RIMS2: variants seen among roughly 807,000 people sequenced by gnomAD.
The protein encoded by RIMS2 is regulating synaptic membrane exocytosis 2, also known as regulating synaptic membrane exocytosis protein 2.
A neutral mutation model predicts 174.4 loss-of-function variants in RIMS2; 59 were observed. That is an observed-to-expected ratio of 0.34 (90% CI 0.27 to 0.42). The LOEUF (loss-of-function observed/expected upper bound fraction) is 0.42. Among genes scored for constraint, RIMS2 ranks in the 10% least tolerant of loss-of-function variants. The pLI, the probability that RIMS2 is intolerant of heterozygous loss-of-function variation, is 1.00. For missense variants in RIMS2, 1,620 were observed against 1,666.3 expected (o/e 0.97, Z 0.48); for synonymous variants, 606 against 572.5 (o/e 1.06, Z -0.84).
chr8:103,978,928 A>G (rs192001819), intron 16 of RIMS2, among the ~76,000 whole-genome samples: 31 of 152,242 alleles, frequency 2.0e-4, no homozygotes, highest in African/African-American at 7.0e-4. Flanking sequence ...CAAAGAATAC[A>G]AATTATTTTT....
intron 1 of RIMS2, among the ~76,000 whole-genome samples, chr8:103,578,968 C>A (rs1329758170): frequency 6.9e-6 from 1 of 145,444 alleles, no homozygotes; most frequent in Non-Finnish European, 1.5e-5. Context: ...GCAGCCTGGA[C>A]AACAGAGCAA....
chr8:104,245,113 A>G (rs1297855774), intron 20 of RIMS2, 56 bp downstream of exon 26: 12 of 1,544,798 alleles, frequency 7.8e-6, no homozygotes, highest in Middle Eastern at 2.0e-4. Flanking sequence ...ATCTCACTCT[A>G]TGTGCTTTCA....
At chr8:103,883,972 T>G (rs1036977122) in intron 3 of RIMS2, among the ~76,000 whole-genome samples, 16 of 151,810 alleles carry the variant, frequency 1.1e-4, no homozygotes, top group African/African-American at 3.4e-4. Context: ...GCATTAACTT[T>G]CTTGGCCTTT....
chr8:103,811,609 T>C (rs1438422481), intron 3 of RIMS2, among the ~76,000 whole-genome samples: 2 of 152,084 alleles, frequency 1.3e-5, no homozygotes, highest in Non-Finnish European at 2.9e-5. Flanking sequence ...TACATCTGGC[T>C]AATTTTTTGC....
chr8:104,049,834 A>T (rs1022303877), intron 19 of RIMS2, among the ~76,000 whole-genome samples: 3 of 152,208 alleles, frequency 2.0e-5, no homozygotes, highest in Non-Finnish European at 4.4e-5. Context: ...AATTAGATAA[A>T]TTTTTCATTA....
intron 1 of RIMS2, among the ~76,000 whole-genome samples, chr8:103,545,324 A>C (rs1844485954): frequency 6.6e-6 from 1 of 152,132 alleles, no homozygotes; most frequent in Non-Finnish European, 1.5e-5. Flanking sequence ...GAAATTAAAA[A>C]CAAAAAAAAA....
Position 103,630,593 on chromosome 8 carries a change from A to G in RIMS2, c.177-66493A>G, listed in dbSNP as rs2095891033. Among the ~76,000 whole-genome samples the G allele has an allele frequency of 2.0e-5, 3 of 151,280 alleles. No homozygotes were observed. The South Asian group carries it at 6.3e-4, about 32-fold the overall frequency. On this transcript the variant is annotated intron_variant, in intron 1 of 23. Transcript: ENST00000504942. Reference sequence around the variant, plus strand: ...AAAACTCCATCTCAAAAAAAAAAAAAAAAAAAAAGAAACAAAGATGTCTAC... The same window carrying G: ...AAAACTCCATCTCAAAAAAAAAAAAGAAAAAAAAGAAACAAAGATGTCTAC...
At chr8:103,730,533 A>G (rs1427068978) in intron 2 of RIMS2, among the ~76,000 whole-genome samples, 1 of 152,130 alleles carries the variant, frequency 6.6e-6, no homozygotes, top group Non-Finnish European at 1.5e-5. Context: ...ATCTTATTAT[A>G]CTGTCTTTGT....
chr8:103,877,340 A>G (rs558133543), intron 3 of RIMS2, among the ~76,000 whole-genome samples: 4 of 151,970 alleles, frequency 2.6e-5, no homozygotes, highest in South Asian at 2.1e-4. Flanking sequence ...GGCCATTTGT[A>G]TATCTTCTTT....
At chr8:103,872,444 T>G (rs1375828592) in intron 3 of RIMS2, among the ~76,000 whole-genome samples, 1 of 152,238 alleles carries the variant, frequency 6.6e-6, no homozygotes, top group Admixed American at 6.5e-5. Context: ...TAGTTGACAT[T>G]ATGTTTAACT....
chr8:103,689,959 C>CTTT lies in RIMS2; in HGVS notation c.177-7114_177-7112dup, dbSNP rs35912055. Among the ~76,000 whole-genome samples, 28 of 137,572 alleles carry CTTT rather than the reference C, an allele frequency of 2.0e-4. 1 individual carries two copies. Among genetic ancestry groups the CTTT allele is most frequent in the Admixed American group, 3.7e-4 (5 of 13,660 alleles). 90.3% of individuals were successfully genotyped at this position (137,572 alleles called of 152,430 possible). On this transcript the variant is annotated intron_variant, in intron 1 of 23. Coordinates refer to ENST00000504942, the Ensembl canonical transcript of RIMS2. ...TAATACATTCAGCTACTCCATGTGT[C>CTTT]TTTTTTTTTTTTTTTCTTTGAGATG... is the stretch of plus-strand genomic sequence containing the variant.
At chr8:103,669,322 C>A (rs2096715716) in intron 1 of RIMS2, among the ~76,000 whole-genome samples, 1 of 152,176 alleles carries the variant, frequency 6.6e-6, no homozygotes, top group South Asian at 2.1e-4. Context: ...ATGGAAGCTA[C>A]AATTCAAGAT....
intron 19 of RIMS2, among the ~76,000 whole-genome samples, chr8:104,233,850 G>A (rs1301191998): frequency 6.6e-6 from 1 of 152,166 alleles, no homozygotes; most frequent in Non-Finnish European, 1.5e-5. Context: ...AAAGATTCTG[G>A]TATTTTAGTT....
chr8:104,076,374 A>G (rs1484290278), intron 19 of RIMS2, among the ~76,000 whole-genome samples: 1 of 152,182 alleles, frequency 6.6e-6, no homozygotes, highest in Non-Finnish European at 1.5e-5. Flanking sequence ...TCAAACATCC[A>G]TCAAACTAGC....
intron 1 of RIMS2, among the ~76,000 whole-genome samples, chr8:103,678,155 AT>A (rs1426487552): frequency 6.6e-6 from 1 of 152,214 alleles, no homozygotes; most frequent in African/African-American, 2.4e-5. Flanking sequence ...GCATGTTCAT[AT>A]CTATCTTATT....
intron 1 of RIMS2, among the ~76,000 whole-genome samples, chr8:103,510,173 G>A (rs541045596): frequency 6.6e-6 from 1 of 152,172 alleles, no homozygotes; most frequent in East Asian, 1.9e-4. Context: ...TAAAACTAGG[G>A]GAAAAGGATA....
At chr8:104,116,884 T>C (rs1172517355) in intron 19 of RIMS2, among the ~76,000 whole-genome samples, 1 of 152,128 alleles carries the variant, frequency 6.6e-6, no homozygotes, top group African/African-American at 2.4e-5. Context: ...GCTTTTCTTA[T>C]CACTCTAAGT....
intron 1 of RIMS2, among the ~76,000 whole-genome samples, chr8:103,595,112 T>C (rs1488798903): frequency 1.3e-5 from 2 of 151,834 alleles, no homozygotes; most frequent in Non-Finnish European, 2.9e-5. Context: ...ATTATAAAAG[T>C]CTGATATATG....
chr8:104,132,682 A>C (rs146056754), intron 19 of RIMS2, among the ~76,000 whole-genome samples: 106 of 152,338 alleles, frequency 7.0e-4, no homozygotes, highest in South Asian at 3.5e-3. Context: ...TCATACCTGT[A>C]CGGTAAGGCA....
Sources: allele counts gnomAD v4.1 joint callset (sites outside exome capture counted in the v4.1 genomes callset), GRCh38; gene constraint gnomAD v4.1.1; transcripts MANE v1.5; gene names NCBI Gene and HGNC (gene_info 2026-07-23, HGNC 2026-07-21).